Variants in ARL13B observed in about 807,000 individuals in gnomAD.
The protein encoded by ARL13B is ARF like GTPase 13B.
A neutral mutation model predicts 56.1 loss-of-function variants in ARL13B; 36 were observed. That is an observed-to-expected ratio of 0.64 (90% CI 0.49 to 0.85). The LOEUF (loss-of-function observed/expected upper bound fraction) is 0.85. ARL13B is among the 40% of genes least tolerant of loss of function. ARL13B has a pLI of 0.00. For synonymous variants in ARL13B, 178 were observed against 171.1 expected (o/e 1.04, Z -0.32); for missense variants, 519 against 507.1 (o/e 1.02, Z -0.23).
chr3:94,004,037 C>T (rs2076095125), intron 3 of ARL13B, 129 bp downstream of exon 3: 1 of 1,378,862 alleles, frequency 7.3e-7, no homozygotes, highest in South Asian at 1.2e-5. Flanking sequence ...ATGTAATTAA[C>T]TGGGAGTTGT....
intron 3 of ARL13B, among the ~76,000 whole-genome samples, chr3:94,020,633 A>C (rs1325148622): frequency 2.6e-5 from 4 of 152,138 alleles, no homozygotes; most frequent in African/African-American, 7.2e-5. Context: ...TGTCAGGAAA[A>C]GGTGTTTTAT....
At chr3:94,049,365 T>C (rs2077032056) in intron 7 of ARL13B, 41 bp from the exon 8 acceptor site, 1 of 1,298,046 alleles carries the variant, frequency 7.7e-7, no homozygotes, top group African/African-American at 1.5e-5. Context: ...AAAGTGCACT[T>C]TTTCATAAAG....
intron 1 of ARL13B, among the ~76,000 whole-genome samples, chr3:93,986,973 A>G (rs111973473): frequency 4.4e-4 from 66 of 150,212 alleles, no homozygotes; most frequent in African/African-American, 1.6e-3. Context: ...CTCCGTCTCT[A>G]AAAAAAAAGG....
chr3:93,993,133 A>ATTTT (rs1469910828), intron 1 of ARL13B, among the ~76,000 whole-genome samples: 1 of 149,346 alleles, frequency 6.7e-6, no homozygotes, highest in Non-Finnish European at 1.5e-5. Context: ...TTATTATTTT[A>ATTTT]TTTTATTTTT....
intron 1 of ARL13B, among the ~76,000 whole-genome samples, chr3:93,987,989 T>G (rs1185904711): frequency 2.0e-5 from 3 of 152,262 alleles, no homozygotes; most frequent in East Asian, 1.9e-4. Flanking sequence ...ACTTAACATT[T>G]GGAGGCAAAT....
intron 1 of ARL13B, among the ~76,000 whole-genome samples, chr3:93,991,224 T>C (rs369823818): frequency 5.9e-5 from 9 of 152,306 alleles, no homozygotes; most frequent in Admixed American, 5.9e-4. Flanking sequence ...TGTATATTAT[T>C]TTTTCAATTT....
intron 6 of ARL13B, among the ~76,000 whole-genome samples, chr3:94,040,521 G>T (rs2076843639): frequency 6.6e-6 from 1 of 151,988 alleles, no homozygotes; most frequent in Non-Finnish European, 1.5e-5. Context: ...TTTTAATTAT[G>T]AAGACGTTAA....
chr3:94,054,814 G>A lies in ARL13B; in HGVS notation c.*1551G>A, dbSNP rs181100219. 589 of 377,972 alleles carry A rather than the reference G, an allele frequency of 1.6e-3. 1 individual carries two copies. The highest frequency in any genetic ancestry group is 0.011 in the African/African-American group (536 of 46,812). 23.4% of individuals were successfully genotyped at this position (377,972 alleles called of 1,614,324 possible). ...GCATTTGATTTCAGATCTAAAATTC[G>A]TAACAACCTAAATTTGAGAGGTGGC... is the stretch of plus-strand genomic sequence containing the variant. On this transcript the variant is annotated 3_prime_UTR_variant, in exon 10 of 10. Coordinates refer to ENST00000394222, the MANE Select transcript of ARL13B (RefSeq NM_001174150.2).
chr3:93,981,851 G>C (rs1205051467), intron 1 of ARL13B, among the ~76,000 whole-genome samples: 1 of 122,634 alleles, frequency 8.2e-6, no homozygotes, highest in Non-Finnish European at 1.6e-5. Context: ...GAGTGACACA[G>C]TGCAACCCTG....
Position 94,035,387 on chromosome 3 carries a change from G to A in ARL13B, c.437G>A (p.Cys146Tyr), listed in dbSNP as rs865931355. Residue 146 changes from cysteine (C) to tyrosine (Y), a missense_variant, in exon 4 of 10, where the codon TGT becomes TAT. Cys to Tyr is a radical substitution (Grantham distance 194, BLOSUM62 -2). Transcript: ENST00000394222. ...TTAGGAGAAGCTGATGTCATTGAAT[G>A]TCTATCTCTGGAAAAATTGGTCAAT... Reference protein sequence around the residue: ...GALGEADVIECLSLEKLVNEH... With the variant: ...GALGEADVIEYLSLEKLVNEH... The A allele has an allele frequency of 1.2e-6, 2 of 1,606,874 alleles. No homozygotes were observed. Among genetic ancestry groups the A allele is most frequent in the Non-Finnish European group, 1.7e-6 (2 of 1,178,212 alleles).
intron 3 of ARL13B, among the ~76,000 whole-genome samples, chr3:94,015,474 T>C (rs2076312017): frequency 6.6e-6 from 1 of 152,298 alleles, no homozygotes; most frequent in East Asian, 1.9e-4. Context: ...TATAAAATAA[T>C]TTGTAAGTTA....
intron 7 of ARL13B, among the ~76,000 whole-genome samples, chr3:94,043,727 G>A (rs573193269): frequency 1.0e-4 from 12 of 115,976 alleles, no homozygotes; most frequent in East Asian, 2.5e-4. Context: ...CCATGATCTC[G>A]GCTCACTGCA....
intron 2 of ARL13B, among the ~76,000 whole-genome samples, chr3:94,000,402 C>A (rs916669118): frequency 1.4e-5 from 2 of 142,260 alleles, no homozygotes; most frequent in Non-Finnish European, 2.9e-5. Flanking sequence ...AAAAAAAAAT[C>A]TAGGATTCTC....
At chr3:94,005,548 C>G (rs983524659) in intron 3 of ARL13B, among the ~76,000 whole-genome samples, 3 of 152,164 alleles carry the variant, frequency 2.0e-5, no homozygotes, top group Non-Finnish European at 2.9e-5. Context: ...CCTCTCTCAG[C>G]TAGTGAATTT....
chr3:93,988,624 A>G (rs147168125), intron 1 of ARL13B: 356 of 493,044 alleles, frequency 7.2e-4, no homozygotes, highest in African/African-American at 6.6e-3. Context: ...AAGACATGGT[A>G]TATGATATTA....
chr3:94,055,085 A>G lies in ARL13B; in HGVS notation c.*1822A>G, dbSNP rs1412302846. On this transcript the variant is annotated 3_prime_UTR_variant, in exon 10 of 10. Transcript: ENST00000394222. ...AATAAATGATTTTGAAATTAAATAT[A>G]ATATAGAATTCACATTTTATATAGC... is the stretch of plus-strand genomic sequence containing the variant. The G allele has an allele frequency of 2.7e-6, 1 of 369,276 alleles. No homozygotes were observed. The highest frequency in any genetic ancestry group is 2.2e-5 in the South Asian group (1 of 45,626). The allele number at this position is 369,276 out of a possible 1,614,324, so 22.9% of individuals were successfully genotyped here. A position where few individuals can be genotyped will look rare whatever the true frequency, so the allele number is the denominator to read the frequency against.
intron 2 of ARL13B, among the ~76,000 whole-genome samples, chr3:94,002,678 T>C (rs759755525): frequency 2.4e-4 from 37 of 152,342 alleles, no homozygotes; most frequent in Non-Finnish European, 4.3e-4. Context: ...AGGCTATTAC[T>C]GTCACTTCCA....
intron 1 of ARL13B, among the ~76,000 whole-genome samples, chr3:93,982,075 C>T (rs1447530832): frequency 6.6e-6 from 1 of 152,024 alleles, no homozygotes; most frequent in African/African-American, 2.4e-5. Context: ...ATATAACTTA[C>T]GTTCTTTTAA....
chr3:94,020,221 T>C (rs1453694810), intron 3 of ARL13B, among the ~76,000 whole-genome samples: 1 of 152,170 alleles, frequency 6.6e-6, no homozygotes, highest in East Asian at 1.9e-4. Context: ...CTTGAGTTCT[T>C]ATGTTGAGAT....
Sources: gnomAD v4.1 joint callset for allele counts (sites outside exome capture counted in the v4.1 genomes callset) on GRCh38, gnomAD v4.1.1 for gene constraint, MANE v1.5 for transcripts, NCBI Gene and HGNC (gene_info 2026-07-23, HGNC 2026-07-21) for gene names.